Variants in SOD2 observed in about 807,000 individuals in gnomAD.
SOD2 encodes superoxide dismutase [Mn], mitochondrial.
A neutral mutation model predicts 27.0 loss-of-function variants in SOD2; 11 were observed. The ratio of observed to expected loss-of-function variants is 0.41; its 90% confidence interval spans 0.26 to 0.67. The LOEUF is 0.67. Among genes scored for constraint, SOD2 ranks in the 30% least tolerant of loss-of-function variants. SOD2 has a pLI of 0.34. For synonymous variants in SOD2, 105 were observed against 103.0 expected, an observed-to-expected ratio of 1.02 and a Z score of -0.12; for missense variants, 250 against 274.5, an observed-to-expected ratio of 0.91 and a Z score of 0.63.
intron 1 of SOD2, among the ~76,000 whole-genome samples, chr6:159,734,174 T>C (rs1778761571): frequency 6.6e-6 from 1 of 151,950 alleles, no homozygotes; most frequent in Non-Finnish European, 1.5e-5. Flanking sequence ...GGTGTGTGTG[T>C]GTTTTGTTTG....
At chr6:159,737,603 C>A (rs1330560540) in intron 1 of SOD2, among the ~76,000 whole-genome samples, 2 of 152,020 alleles carry the variant, frequency 1.3e-5, no homozygotes, top group Admixed American at 6.6e-5. Flanking sequence ...GCGATCCTCC[C>A]ACCTTTGCCC....
chr6:159,671,639 G>T lies in SOD2; in HGVS notation c.*10854C>A, dbSNP rs566733181. 23 of 152,224 alleles carry T rather than the reference G, an allele frequency of 1.5e-4. No homozygotes were observed. The highest frequency in any genetic ancestry group is 4.3e-4 in the African/African-American group (18 of 41,544). 9.4% of individuals were successfully genotyped at this position (152,224 alleles called of 1,614,324 possible). On this transcript the variant is annotated 3_prime_UTR_variant, in exon 5 of 5. Coordinates refer to ENST00000538183, the MANE Select transcript of SOD2 (RefSeq NM_000636.4). The stretch of plus-strand genomic sequence containing the variant: ...AAGGTAGATAAAACCACAAAGATGG[G>T]GAAAAAACAGAGCAGAAAAGCTGAA...
intron 1 of SOD2, among the ~76,000 whole-genome samples, chr6:159,754,051 T>G (rs771992056): frequency 1.3e-5 from 2 of 152,240 alleles, no homozygotes. Flanking sequence ...ATAAGAGATT[T>G]AATCTTTAAA....
chr6:159,693,629 C>A (rs1302441753), upstream of SOD2, among the ~76,000 whole-genome samples: 1 of 152,244 alleles, frequency 6.6e-6, no homozygotes, highest in East Asian at 1.9e-4. Flanking sequence ...GCTGCGGCGC[C>A]TGCCCCTGAG....
upstream of SOD2, chr6:159,748,133 AC>A: frequency 6.5e-7 from 1 of 1,539,406 alleles, no homozygotes; most frequent in South Asian, 1.2e-5. This position sits in a 1 kb window ranked among gnomAD's most constrained non-coding sequence, Gnocchi z 5.6. Flanking sequence ...AGTTTTCCCC[AC>A]CTTCTTATGT....
chr6:159,761,322 G>A (rs955458297), exon 1 of SOD2: 1 of 275,354 alleles, frequency 3.6e-6, no homozygotes. Flanking sequence ...AGTCAGAAAG[G>A]GTTTTAAACA....
chr6:159,726,795 C>A (rs1778189505), intron 1 of SOD2: 16 of 1,289,216 alleles, frequency 1.2e-5, no homozygotes, highest in Non-Finnish European at 1.6e-5. Flanking sequence ...GGCCAGGAGA[C>A]TGCGCCTCAC....
chr6:159,706,202 GCAT>G (rs1203368438), intron 1 of SOD2, among the ~76,000 whole-genome samples: 1 of 152,182 alleles, frequency 6.6e-6, no homozygotes, highest in African/African-American at 2.4e-5. Flanking sequence ...GGAAGAAACT[GCAT>G]CAACTAATGA....
intron 1 of SOD2, among the ~76,000 whole-genome samples, chr6:159,705,363 A>C (rs1777603506): frequency 6.6e-6 from 1 of 152,216 alleles, no homozygotes; most frequent in Non-Finnish European, 1.5e-5. Context: ...AAAGAAGTTA[A>C]AAACCATGAA....
At chr6:159,743,380 A>C (rs971700670) in intron 1 of SOD2, among the ~76,000 whole-genome samples, 3 of 152,252 alleles carry the variant, frequency 2.0e-5, no homozygotes, top group Non-Finnish European at 4.4e-5. Flanking sequence ...AAAACATACT[A>C]ATCAGGATTT....
In SOD2 at chr6:159,681,772, T is replaced by C. The variant is rs1005293073; in HGVS notation, c.*721A>G. 6.7e-6 allele frequency: 1 copy of C among 150,356 alleles called. No homozygotes were observed. The highest frequency in any genetic ancestry group is 2.5e-5 in the African/African-American group (1 of 40,222). 9.3% of individuals were successfully genotyped at this position (150,356 alleles called of 1,614,324 possible). A position where few individuals can be genotyped will look rare whatever the true frequency, so the allele number is the denominator to read the frequency against. On this transcript the variant is annotated 3_prime_UTR_variant, in exon 5 of 5. Transcript: ENST00000538183. ...CACTGCCTTTAAATACTCTAGCTTG[T>C]AGGTCATCATGGAGATTGGGTCTCA...
At chr6:159,736,606 T>C (rs544261404) in intron 1 of SOD2, 1 of 230,168 alleles carries the variant, frequency 4.3e-6, no homozygotes, top group Non-Finnish European at 8.4e-6. Flanking sequence ...TGTAAATATT[T>C]CCAGGTACAT....
intron 1 of SOD2, among the ~76,000 whole-genome samples, chr6:159,732,752 C>T (rs550593340): frequency 7.9e-5 from 12 of 151,800 alleles, no homozygotes; most frequent in Non-Finnish European, 1.8e-4. Flanking sequence ...TGAATCCAGG[C>T]GGTGGAGGTT....
intron 1 of SOD2, chr6:159,739,023 G>T (rs976354678): frequency 2.5e-6 from 4 of 1,611,462 alleles, no homozygotes; most frequent in African/African-American, 1.3e-5. Context: ...CAAAGTTATG[G>T]CAAGAGATGA....
At chr6:159,745,140 C>T (rs535573400) in exon 1 of SOD2, 1 of 152,308 alleles carries the variant, frequency 6.6e-6, no homozygotes, top group East Asian at 1.9e-4. Flanking sequence ...CTTTAGACTG[C>T]TAGCACTTGG....
chr6:159,724,860 A>G (rs571171227), intron 1 of SOD2, among the ~76,000 whole-genome samples: 167 of 145,440 alleles, frequency 1.1e-3, no homozygotes, highest in African/African-American at 4.0e-3. Context: ...CTCAAAAAAG[A>G]AAAAAAAAAA....
chr6:159,735,536 G>A (rs1003742970), intron 1 of SOD2, among the ~76,000 whole-genome samples: 7 of 152,198 alleles, frequency 4.6e-5, no homozygotes, highest in African/African-American at 1.7e-4. Context: ...GGGTTGCAAT[G>A]TCAGGAGTTC....
chr6:159,755,182 T>C (rs190245327), intron 1 of SOD2: 2 of 1,614,124 alleles, frequency 1.2e-6, no homozygotes, highest in South Asian at 1.1e-5. Context: ...CCAGCAGGAC[T>C]ACAGCTTCTG....
chr6:159,691,814 C>T (rs1432849330), intron 2 of SOD2: 1 of 152,108 alleles, frequency 6.6e-6, no homozygotes, highest in East Asian at 1.9e-4. Context: ...TTCAGTTTCC[C>T]ACTAAAGGGC....
Sources: gnomAD v4.1 joint callset for allele counts (sites outside exome capture counted in the v4.1 genomes callset) on GRCh38, gnomAD v4.1.1 for gene constraint, Gnocchi (gnomAD v3.1) non-coding constraint, MANE v1.5 for transcripts, NCBI Gene and HGNC (gene_info 2026-07-23, HGNC 2026-07-21) for gene names.